Variants in SUPT3H observed in about 807,000 individuals in gnomAD.
The protein encoded by SUPT3H is transcription initiation protein SPT3 homolog.
A neutral mutation model predicts 44.3 loss-of-function variants in SUPT3H; 44 were observed. The observed-to-expected ratio is 0.99, with a 90% CI of 0.78 to 1.28. The LOEUF (loss-of-function observed/expected upper bound fraction) is 1.28. SUPT3H is among the 50% of genes most tolerant of loss of function. The pLI is 0.00. For synonymous variants in SUPT3H, 124 were observed against 125.6 expected, an observed-to-expected ratio of 0.99 and a Z score of 0.09; for missense variants, 380 against 387.1, an observed-to-expected ratio of 0.98 and a Z score of 0.15.
At chr6:44,846,362 A>G (rs1475395589) in intron 10 of SUPT3H, among the ~76,000 whole-genome samples, 1 of 152,204 alleles carries the variant, frequency 6.6e-6, no homozygotes, top group Non-Finnish European at 1.5e-5. Flanking sequence ...CGCATATTTC[A>G]ACAAGCTAAC....
chr6:45,197,167 GAATA>G (rs991799055), intron 2 of SUPT3H, among the ~76,000 whole-genome samples: 1 of 151,430 alleles, frequency 6.6e-6, no homozygotes, highest in Non-Finnish European at 1.5e-5. Flanking sequence ...TCAGAAATAG[GAATA>G]AAGATTATTT....
intron 3 of SUPT3H, among the ~76,000 whole-genome samples, chr6:45,092,658 G>A (rs114553739): frequency 0.03 from 4,484 of 150,634 alleles, 106 homozygotes; most frequent in Non-Finnish European, 0.046. Flanking sequence ...ACCGAGGCAG[G>A]AGAATTACTT....
intron 3 of SUPT3H, among the ~76,000 whole-genome samples, chr6:45,079,073 G>A (rs1007977150): frequency 2.6e-5 from 4 of 152,122 alleles, no homozygotes; most frequent in Admixed American, 2.6e-4. Flanking sequence ...CACTTTGGGA[G>A]GCCGAGGCTG....
chr6:45,163,883 C>A (rs1229890162), intron 2 of SUPT3H, among the ~76,000 whole-genome samples: 1 of 151,930 alleles, frequency 6.6e-6, no homozygotes, highest in African/African-American at 2.4e-5. Context: ...ATACCTACCC[C>A]TAATTATTAG....
intron 6 of SUPT3H, among the ~76,000 whole-genome samples, chr6:44,972,338 C>G (rs1777695445): frequency 6.6e-6 from 1 of 152,180 alleles, no homozygotes; most frequent in African/African-American, 2.4e-5. Flanking sequence ...CCAAAATGAT[C>G]TCTTTTGACT....
At chr6:45,316,350 ATAAAAAT>A (rs988964557) in intron 2 of SUPT3H, among the ~76,000 whole-genome samples, 1 of 152,170 alleles carries the variant, frequency 6.6e-6, no homozygotes, top group Non-Finnish European at 1.5e-5. Context: ...AAAATAAAAA[ATAAAAAT>A]GAATCAGGGG....
intron 3 of SUPT3H, among the ~76,000 whole-genome samples, chr6:45,083,025 T>C (rs948642314): frequency 3.3e-5 from 5 of 151,872 alleles, no homozygotes; most frequent in African/African-American, 1.2e-4. Context: ...CCATTTACAA[T>C]AGTCATAGTC....
chr6:44,834,948 G>A (rs1261784410), intron 10 of SUPT3H, among the ~76,000 whole-genome samples: 2 of 152,114 alleles, frequency 1.3e-5, no homozygotes, highest in Admixed American at 1.3e-4. Flanking sequence ...TAGAGGTCAA[G>A]CCATTATAAG....
rs147463905 is a variant in SUPT3H at position 45,375,122 on chromosome 6, G to A, written c.-1+2646C>T. On this transcript the variant is annotated intron_variant, in intron 1 of 10. Transcript: ENST00000371459. ...CTCGGGAGGCTGAGGCAGGAGAATCGCTTGAACCCAGGAGGGGGAGGTTGC... is the reference window on the plus strand; with the variant it reads ...CTCGGGAGGCTGAGGCAGGAGAATCACTTGAACCCAGGAGGGGGAGGTTGC... Among the ~76,000 whole-genome samples the A allele has an allele frequency of 7.2e-3, 1,096 of 152,264 alleles. 19 individuals carry two copies. The highest frequency in any genetic ancestry group is 0.025 in the African/African-American group (1,044 of 41,542).
At chr6:45,024,674 C>T (rs1019214146) in intron 3 of SUPT3H, among the ~76,000 whole-genome samples, 7 of 152,046 alleles carry the variant, frequency 4.6e-5, no homozygotes, top group East Asian at 1.9e-4. Flanking sequence ...TTGACTGGAC[C>T]GCGGGGTACA....
intron 1 of SUPT3H, among the ~76,000 whole-genome samples, chr6:45,375,783 C>A (rs1185481190): frequency 1.3e-5 from 2 of 149,096 alleles, no homozygotes; most frequent in Admixed American, 1.3e-4. Context: ...TTTATTTGTT[C>A]TTTTAGTTTT....
intron 2 of SUPT3H, among the ~76,000 whole-genome samples, chr6:45,128,537 T>G (rs1474036628): frequency 2.2e-5 from 1 of 45,058 alleles, no homozygotes; most frequent in South Asian, 8.5e-4. Flanking sequence ...AAAAAAAATA[T>G]ATATATATAT....
At position 45,347,883 on chromosome 6, in the gene SUPT3H, GA is replaced by G. The variant is rs200517469; in HGVS notation, c.101+17317del. On this transcript the variant is annotated intron_variant, in intron 2 of 10. Transcript: ENST00000371459. ...AATACTACATGCCTACTGAAATAAT[GA>G]AACAGAATGTCAGTATGGTTACCTG... Among the ~76,000 whole-genome samples the G allele has an allele frequency of 5.3e-3, 801 of 152,058 alleles. 5 individuals carry two copies. Among genetic ancestry groups the G allele is most frequent in the African/African-American group, 0.018 (747 of 41,514 alleles).
chr6:44,845,774 A>C (rs538977628), intron 10 of SUPT3H, among the ~76,000 whole-genome samples: 1 of 152,198 alleles, frequency 6.6e-6, no homozygotes, highest in Non-Finnish European at 1.5e-5. Flanking sequence ...ACCCGACACC[A>C]GGGGAAAATA....
intron 2 of SUPT3H, among the ~76,000 whole-genome samples, chr6:45,250,670 G>C (rs1301335051): frequency 6.6e-6 from 1 of 151,836 alleles, no homozygotes; most frequent in African/African-American, 2.4e-5. Flanking sequence ...AGAACTGAAA[G>C]ATAACTATAT....
chr6:45,293,034 A>C (rs1006560016), intron 2 of SUPT3H, among the ~76,000 whole-genome samples: 4 of 152,116 alleles, frequency 2.6e-5, no homozygotes, highest in Admixed American at 2.6e-4. Flanking sequence ...CAGAATATAC[A>C]TTCTATTCAA....
intron 3 of SUPT3H, among the ~76,000 whole-genome samples, chr6:45,077,626 C>CAAAAAAAAAAAAAAAAAAA (rs70993493): frequency 6.5e-4 from 22 of 34,004 alleles, no homozygotes; most frequent in South Asian, 1.5e-3. Context: ...GACCTTGTTT[C>CAAAAAAAAAAAAAAAAAAA]AAAAAAAAAA....
At chr6:45,184,981 C>T (rs548232526) in intron 2 of SUPT3H, among the ~76,000 whole-genome samples, 1 of 152,222 alleles carries the variant, frequency 6.6e-6, no homozygotes, top group South Asian at 2.1e-4. Flanking sequence ...TAACCTATTC[C>T]GTCCTTGCAG....
At chr6:45,324,362 A>G (rs1040246551) in intron 2 of SUPT3H, among the ~76,000 whole-genome samples, 3 of 152,084 alleles carry the variant, frequency 2.0e-5, no homozygotes, top group South Asian at 2.1e-4. Context: ...CTCTATAATC[A>G]GATGCCAATA....
Sources: allele counts gnomAD v4.1 joint callset (sites outside exome capture counted in the v4.1 genomes callset), GRCh38; gene constraint gnomAD v4.1.1; transcripts MANE v1.5; gene names NCBI Gene and HGNC (gene_info 2026-07-23, HGNC 2026-07-21).